Variants in FHIT observed in about 807,000 individuals in gnomAD.
FHIT encodes the protein bis(5'-adenosyl)-triphosphatase.
FHIT carries 19 observed loss-of-function variants against 17.9 expected under a neutral mutation model. The observed-to-expected ratio is 1.06, with a 90% CI of 0.74 to 1.56. The LOEUF is 1.56. FHIT is among the 40% of genes most tolerant of loss of function. The probability of loss-of-function intolerance (pLI) is 0.00; values close to 1 mark genes in which losing one functional copy is unlikely to be tolerated. For missense variants in FHIT, 248 were observed against 189.2 expected (o/e 1.31, Z -1.82); for synonymous variants, 81 against 69.7 (o/e 1.16, Z -0.81).
intron 2 of FHIT, among the ~76,000 whole-genome samples, chr3:61,186,232 T>A (rs2038504549): frequency 1.3e-5 from 2 of 152,194 alleles, no homozygotes; most frequent in South Asian, 4.1e-4. Context: ...AAAGCAGCAT[T>A]TATTAATAAC....
In FHIT at chr3:61,059,539, A is replaced by C. The variant is rs190878258; in HGVS notation, c.-163-17440T>G. Among the ~76,000 whole-genome samples the C allele has an allele frequency of 3.6e-4, 55 of 152,238 alleles. No individual in the cohort carries two copies. The East Asian group carries it at 0.01, about 28-fold the overall frequency. ...TCTTCTTAAATTACCTCATCTGAGC[A>C]GTATTTTCATTTGTAAATAATGGCC... On this transcript the variant is annotated intron_variant, in intron 2 of 9. Coordinates refer to ENST00000492590, the MANE Select transcript of FHIT (RefSeq NM_002012.4).
At chr3:60,415,756 T>C (rs751377484) in intron 5 of FHIT, among the ~76,000 whole-genome samples, 1 of 149,826 alleles carries the variant, frequency 6.7e-6, no homozygotes. Flanking sequence ...AAAGTCTCTA[T>C]CATGGATTAG....
At chr3:60,538,803 A>C (rs1158010325) in intron 4 of FHIT, among the ~76,000 whole-genome samples, 1 of 152,220 alleles carries the variant, frequency 6.6e-6, no homozygotes, top group Non-Finnish European at 1.5e-5. Context: ...AGATGGATTA[A>C]AGACTTAAAT....
At chr3:60,100,465 T>G (rs79837189) in intron 5 of FHIT, among the ~76,000 whole-genome samples, 37,187 of 152,106 alleles carry the variant, frequency 0.24, 4,734 homozygotes, top group Middle Eastern at 0.37. Context: ...GCTTTGACTC[T>G]TGGCCAAGTC....
chr3:61,110,121 T>C (rs1292546239), intron 2 of FHIT, among the ~76,000 whole-genome samples: 1 of 152,156 alleles, frequency 6.6e-6, no homozygotes, highest in Non-Finnish European at 1.5e-5. Flanking sequence ...AAACCTCTAG[T>C]ACCTTCCTAT....
At chr3:60,101,512 C>T (rs1402034227) in intron 5 of FHIT, among the ~76,000 whole-genome samples, 1 of 152,228 alleles carries the variant, frequency 6.6e-6, no homozygotes, top group African/African-American at 2.4e-5. Context: ...TTCCCTCACC[C>T]ACCCCATGCT....
At chr3:60,402,394 C>T (rs888108766) in intron 5 of FHIT, among the ~76,000 whole-genome samples, 1 of 152,174 alleles carries the variant, frequency 6.6e-6, no homozygotes, top group African/African-American at 2.4e-5. Context: ...ATTTTCCCAA[C>T]TTTTTGGGCC....
At chr3:61,176,554 T>C (rs1576154906) in intron 2 of FHIT, among the ~76,000 whole-genome samples, 1 of 152,308 alleles carries the variant, frequency 6.6e-6, no homozygotes, top group East Asian at 1.9e-4. Context: ...GCTTTATACT[T>C]TATAAAGCTT....
intron 8 of FHIT, among the ~76,000 whole-genome samples, chr3:59,757,269 G>A (rs1041375632): frequency 6.6e-6 from 1 of 152,210 alleles, no homozygotes; most frequent in African/African-American, 2.4e-5. Context: ...ACTGAAGTCT[G>A]TGATGGCCTC....
At chr3:59,908,127 G>T (rs944342205) in intron 8 of FHIT, among the ~76,000 whole-genome samples, 1 of 152,184 alleles carries the variant, frequency 6.6e-6, no homozygotes, top group Non-Finnish European at 1.5e-5. Flanking sequence ...TGAAAGATTG[G>T]TACATAGGCA....
intron 5 of FHIT, among the ~76,000 whole-genome samples, chr3:60,467,482 C>G (rs1054115062): frequency 1.3e-5 from 2 of 151,928 alleles, no homozygotes; most frequent in Non-Finnish European, 2.9e-5. Context: ...CCTCTGAATA[C>G]TGCTTTCACC....
At chr3:60,319,380 T>G (rs536004139) in intron 5 of FHIT, among the ~76,000 whole-genome samples, 32 of 152,098 alleles carry the variant, frequency 2.1e-4, no homozygotes, top group Admixed American at 6.6e-4. Flanking sequence ...GCTGACAAGT[T>G]CTGATCAATA....
intron 5 of FHIT, among the ~76,000 whole-genome samples, chr3:60,167,625 G>A (rs1054091149): frequency 1.3e-5 from 2 of 152,240 alleles, no homozygotes; most frequent in Non-Finnish European, 2.9e-5. Context: ...ATCTGTGAAT[G>A]AACTGCACAG....
At chr3:60,428,030 C>A (rs938860197) in intron 5 of FHIT, among the ~76,000 whole-genome samples, 3 of 152,114 alleles carry the variant, frequency 2.0e-5, no homozygotes, top group Non-Finnish European at 4.4e-5. Flanking sequence ...CTTTTCTATT[C>A]CCAATAGGTA....
chr3:59,820,721 G>A (rs1204142492), intron 8 of FHIT, among the ~76,000 whole-genome samples: 1 of 152,174 alleles, frequency 6.6e-6, no homozygotes, highest in Non-Finnish European at 1.5e-5. Context: ...GCAGACCTCT[G>A]CTTTGGAAAG....
intron 7 of FHIT, among the ~76,000 whole-genome samples, chr3:59,947,990 T>C (rs894674295): frequency 6.6e-6 from 1 of 152,198 alleles, no homozygotes; most frequent in African/African-American, 2.4e-5. Context: ...TGTTCCTTTT[T>C]ATTGCTGGGT....
intron 1 of FHIT, among the ~76,000 whole-genome samples, chr3:61,214,980 A>G (rs1486960692): frequency 1.3e-5 from 2 of 151,666 alleles, no homozygotes; most frequent in Non-Finnish European, 2.9e-5. Context: ...AAAACTCTCA[A>G]TGAATTAGGT....
intron 5 of FHIT, among the ~76,000 whole-genome samples, chr3:60,160,750 T>C (rs1361759747): frequency 6.6e-6 from 1 of 152,076 alleles, no homozygotes; most frequent in Non-Finnish European, 1.5e-5. Flanking sequence ...CCCAAATCAA[T>C]TCCAAACCAA....
intron 2 of FHIT, among the ~76,000 whole-genome samples, chr3:61,053,285 C>T (rs2034093762): frequency 6.6e-6 from 1 of 152,088 alleles, no homozygotes; most frequent in Non-Finnish European, 1.5e-5. Flanking sequence ...GCCCACAATA[C>T]ATTCACATAC....
Sources: allele counts gnomAD v4.1 joint callset (sites outside exome capture counted in the v4.1 genomes callset), GRCh38; gene constraint gnomAD v4.1.1; transcripts MANE v1.5; gene names NCBI Gene and HGNC (gene_info 2026-07-23, HGNC 2026-07-21).